POU4F3: variants seen among roughly 807,000 people sequenced by gnomAD.
POU4F3 encodes the protein POU domain, class 4, transcription factor 3.
In POU4F3, 7 loss-of-function variants were observed where a neutral mutation model predicts 22.0. The ratio of observed to expected loss-of-function variants is 0.32; its 90% confidence interval spans 0.18 to 0.60. The LOEUF (loss-of-function observed/expected upper bound fraction) is 0.60, where lower values mean the gene tolerates loss of function less well. Among genes scored for constraint, POU4F3 ranks in the 20% least tolerant of loss-of-function variants. The pLI is 0.85. For synonymous variants in POU4F3, 220 were observed against 194.5 expected (o/e 1.13, Z -1.09); for missense variants, 457 against 467.4 (o/e 0.98, Z 0.21).
Position 146,339,216 on chromosome 5 carries a change from G to C in POU4F3, c.104G>C (p.Cys35Ser). 4.3e-6 allele frequency: 7 copies of C among 1,614,246 alleles called. No individual in the cohort carries two copies. Among genetic ancestry groups the C allele is most frequent in the Non-Finnish European group, 5.1e-6 (6 of 1,180,050 alleles). ...GGCTCCGAGGCCATGCGCCGAGTCTGTCTCCCAGCCCCGCAGGTACGTAGT... is the reference window on the plus strand; with the variant it reads ...GGCTCCGAGGCCATGCGCCGAGTCTCTCTCCCAGCCCCGCAGGTACGTAGT... The part of the protein sequence containing the change: ...HSGSEAMRRV[C>S]LPAPQLQGNI... The change falls in exon 1 of 2, where the codon TGT (cysteine) becomes TCT (serine). Residue 35 changes from cysteine to serine, a missense_variant. Transcript: ENST00000646991. This position sits in a 1 kb window ranked among gnomAD's most constrained non-coding sequence, Gnocchi z 4.7.
chr5:146,339,027 T>G lies in POU4F3; in HGVS notation c.-86T>G. On this transcript the variant is annotated 5_prime_UTR_variant, in exon 1 of 2. It removes the in-frame stop codon of an upstream open reading frame in the 5' UTR. Transcript: ENST00000646991. The surrounding 1 kb of genome is among the most constrained non-coding windows in gnomAD (Gnocchi z 4.7). ...GAGAGGGCGAGGGGAGCGCGGGCGCTGAGCAGCGCTCACTTGGAGAGCGGC... is the reference window on the plus strand; with the variant it reads ...GAGAGGGCGAGGGGAGCGCGGGCGCGGAGCAGCGCTCACTTGGAGAGCGGC... The G allele has an allele frequency of 1.9e-6, 3 of 1,580,964 alleles. No individual in the cohort carries two copies. Among genetic ancestry groups the G allele is most frequent in the Non-Finnish European group, 2.6e-6 (3 of 1,162,540 alleles).
rs879525337 is a variant in POU4F3 at position 146,338,979 on chromosome 5, G to C, written c.-134G>C. The C allele has an allele frequency of 2.6e-5, 35 of 1,343,738 alleles. No homozygotes were observed. Among genetic ancestry groups the C allele is most frequent in the Non-Finnish European group, 3.3e-5 (32 of 964,856 alleles). 83.2% of individuals were successfully genotyped at this position (1,343,738 alleles called of 1,614,324 possible). On this transcript the variant is annotated 5_prime_UTR_variant, in exon 1 of 2. Transcript: ENST00000646991. Reference sequence around the variant, plus strand: ...TTGTAAGATGAGTGAAGAAGCAGGTGGGGGAGAGGGGAGGCAGCGAGCGAG... The same window carrying C: ...TTGTAAGATGAGTGAAGAAGCAGGTCGGGGAGAGGGGAGGCAGCGAGCGAG...
chr5:146,339,058 A>G lies in POU4F3; in HGVS notation c.-55A>G, dbSNP rs767725236. The G allele has an allele frequency of 6.2e-7, 1 of 1,608,352 alleles. No individual in the cohort carries two copies. Among genetic ancestry groups the G allele is most frequent in the Non-Finnish European group, 8.5e-7 (1 of 1,177,554 alleles). On this transcript the variant is annotated 5_prime_UTR_variant, in exon 1 of 2. Transcript: ENST00000646991. This position sits in a 1 kb window ranked among gnomAD's most constrained non-coding sequence, Gnocchi z 4.7. ...GCGCTCACTTGGAGAGCGGCAAGCA[A>G]GCTAGACAAGCCTGATTCCATGTCA...
In POU4F3 at chr5:146,339,286, G is replaced by C. The variant is rs746240760; in HGVS notation, c.120+54G>C. On this transcript the variant is annotated intron_variant, in intron 1 of 1. Coordinates refer to ENST00000646991, the MANE Select transcript of POU4F3 (RefSeq NM_002700.3). The surrounding 1 kb of genome is among the most constrained non-coding windows in gnomAD (Gnocchi z 4.7). The stretch of plus-strand genomic sequence containing the variant: ...AAGGCACATTTTTTGACAGGCACTA[G>C]CTTCATGTTTTTTTCATGTCGCCCA... The C allele has an allele frequency of 1.9e-6, 3 of 1,611,640 alleles. No individual in the cohort carries two copies. The highest frequency in any genetic ancestry group is 1.7e-6 in the Non-Finnish European group (2 of 1,178,096).
Position 146,341,382 on chromosome 5 carries a change from G to A in POU4F3, c.*938G>A, listed in dbSNP as rs1248792021. The A allele has an allele frequency of 6.6e-6, 1 of 152,190 alleles. No individual in the cohort carries two copies. The highest frequency in any genetic ancestry group is 1.5e-5 in the Non-Finnish European group (1 of 68,038). 9.4% of individuals were successfully genotyped at this position (152,190 alleles called of 1,614,324 possible). On this transcript the variant is annotated 3_prime_UTR_variant, in exon 2 of 2. Coordinates refer to ENST00000646991, the MANE Select transcript of POU4F3 (RefSeq NM_002700.3). ...CATTATATGCAAGTCCTTTCAACAC[G>A]TCTAACCTCCTTGCACTTTTGTTAT...
In POU4F3 at chr5:146,340,298, G is replaced by A; in HGVS notation, c.871G>A (p.Ala291Thr). The change falls in exon 2 of 2, where the codon GCC (alanine) becomes ACC (threonine). Residue 291 changes from alanine (A) to threonine (T), a missense_variant. By Grantham distance (58) the Ala-to-Thr change is moderately conservative. Coordinates refer to ENST00000646991, the MANE Select transcript of POU4F3 (RefSeq NM_002700.3). ...IAAPEKRSLE[A>T]YFAIQPRPSS... is the part of the protein sequence containing the mutation. Reference sequence around the variant, plus strand: ...GGCGCCGGAGAAGCGTTCACTCGAGGCCTATTTCGCTATCCAGCCACGTCC... The same window carrying A: ...GGCGCCGGAGAAGCGTTCACTCGAGACCTATTTCGCTATCCAGCCACGTCC... 6.2e-7 allele frequency: 1 copy of A among 1,614,214 alleles called. No homozygotes were observed. The highest frequency in any genetic ancestry group is 1.1e-5 in the South Asian group (1 of 91,084).
At position 146,340,036 on chromosome 5, in the gene POU4F3, G is replaced by T; in HGVS notation, c.609G>T (p.Val203=). The change falls in exon 2 of 2, where the codon GTG becomes GTT. Residue 203 remains valine (V), a synonymous_variant. Transcript: ENST00000646991. ...RFKQRRIKLG[V]TQADVGAALA... Reference sequence around the variant, plus strand: ...AGCAGCGGCGCATCAAGCTGGGGGTGACCCAGGCGGACGTGGGCGCGGCTC... The same window carrying T: ...AGCAGCGGCGCATCAAGCTGGGGGTTACCCAGGCGGACGTGGGCGCGGCTC... 1 of 1,614,086 alleles carries T rather than the reference G, an allele frequency of 6.2e-7. No homozygotes were observed. Among genetic ancestry groups the T allele is most frequent in the Non-Finnish European group, 8.5e-7 (1 of 1,180,048 alleles).
Position 146,339,548 on chromosome 5 carries a change from C to G in POU4F3, c.121C>G (p.Leu41Val). The change falls in exon 2 of 2, where the codon CTG (leucine) becomes GTG (valine). Residue 41 changes from leucine (L) to valine (V), a missense_variant and splice_region_variant. This residue lies in a region of POU4F3 where 410 missense variants were observed against 385.0 expected (regional missense o/e 1.06). Transcript: ENST00000646991. The surrounding 1 kb of genome is among the most constrained non-coding windows in gnomAD (Gnocchi z 4.7). ...MRRVCLPAPQ[L>V]QGNIFGSFDE... ...GTGCTGTGCGCCTTCTCGCTTGCAGCTGCAGGGTAATATATTTGGAAGCTT... is the reference window on the plus strand; with the variant it reads ...GTGCTGTGCGCCTTCTCGCTTGCAGGTGCAGGGTAATATATTTGGAAGCTT... 2 of 1,614,216 alleles carry G rather than the reference C, an allele frequency of 1.2e-6. No individual in the cohort carries two copies. The highest frequency in any genetic ancestry group is 1.7e-6 in the Non-Finnish European group (2 of 1,180,048).
Position 146,339,209 on chromosome 5 carries a change from C to G in POU4F3, c.97C>G (p.Arg33Gly). 6.2e-7 allele frequency: 1 copy of G among 1,614,228 alleles called. No individual in the cohort carries two copies. Among genetic ancestry groups the G allele is most frequent in the Non-Finnish European group, 8.5e-7 (1 of 1,180,046 alleles). The change falls in exon 1 of 2, where the codon CGA becomes GGA. Residue 33 changes from arginine (R) to glycine (G), a missense_variant. Arg to Gly is a moderately radical substitution (Grantham distance 125). This residue lies in a region of POU4F3 where 410 missense variants were observed against 385.0 expected (regional missense o/e 1.06). Coordinates refer to ENST00000646991, the MANE Select transcript of POU4F3 (RefSeq NM_002700.3). This position sits in a 1 kb window ranked among gnomAD's most constrained non-coding sequence, Gnocchi z 4.7. Reference sequence around the variant, plus strand: ...GCACTCTGGCTCCGAGGCCATGCGCCGAGTCTGTCTCCCAGCCCCGCAGGT... The same window carrying G: ...GCACTCTGGCTCCGAGGCCATGCGCGGAGTCTGTCTCCCAGCCCCGCAGGT... ...SLHSGSEAMR[R>G]VCLPAPQLQG... is the part of the protein sequence containing the mutation.
Position 146,340,354 on chromosome 5 carries a change from G to T in POU4F3, c.927G>T (p.Glu309Asp), listed in dbSNP as rs774309435. 2 of 1,614,136 alleles carry T rather than the reference G, an allele frequency of 1.2e-6. No homozygotes were observed. Among genetic ancestry groups the T allele is most frequent in the Non-Finnish European group, 1.7e-6 (2 of 1,180,060 alleles). ...PSSEKIAAIA[E>D]KLDLKKNVVR... ...CTGAGAAGATCGCGGCCATCGCTGA[G>T]AAACTGGACCTTAAAAAGAACGTGG... is the stretch of plus-strand genomic sequence containing the variant. The change falls in exon 2 of 2, where the codon GAG (glutamate) becomes GAT (aspartate). Residue 309 changes from glutamate (E) to aspartate (D), a missense_variant. Glu to Asp is a conservative substitution (Grantham distance 45). Around this residue, in one of 2 missense-constraint regions of POU4F3, gnomAD observed 47 missense variants for 82.4 expected, o/e 0.57. Transcript: ENST00000646991.
chr5:146,340,039 C>A lies in POU4F3; in HGVS notation c.612C>A (p.Thr204=), dbSNP rs1352029714. ...AGCGGCGCATCAAGCTGGGGGTGAC[C>A]CAGGCGGACGTGGGCGCGGCTCTGG... The part of the protein sequence containing the change: ...FKQRRIKLGV[T]QADVGAALAN... Residue 204 remains threonine (T), a synonymous_variant, in exon 2 of 2, where the codon ACC becomes ACA. Coordinates refer to ENST00000646991, the MANE Select transcript of POU4F3 (RefSeq NM_002700.3). 2 of 1,613,952 alleles carry A rather than the reference C, an allele frequency of 1.2e-6. No homozygotes were observed. Among genetic ancestry groups the A allele is most frequent in the East Asian group, 2.2e-5 (1 of 44,878 alleles).
rs1393950159 is a variant in POU4F3 at position 146,339,820 on chromosome 5, C to A, written c.393C>A (p.Gly131=). The change falls in exon 2 of 2, where the codon GGC becomes GGA. Residue 131 remains glycine (G), a synonymous_variant. Transcript: ENST00000646991. The surrounding 1 kb of genome is among the most constrained non-coding windows in gnomAD (Gnocchi z 4.7). ...EHISPTLSVS[G]LGAPEHSVMP... ...TCTCGCCCACGCTGAGTGTGAGCGG[C>A]CTGGGCGCTCCGGAACACTCGGTGA... 1 of 1,609,510 alleles carries A rather than the reference C, an allele frequency of 6.2e-7. No individual in the cohort carries two copies. The highest frequency in any genetic ancestry group is 1.3e-5 in the African/African-American group (1 of 75,056).
rs1760407473 is a variant in POU4F3, at chr5:146,339,040, C to T, written c.-73C>T. 3.8e-6 allele frequency: 6 copies of T among 1,597,486 alleles called. No individual in the cohort carries two copies. The South Asian group carries it at 6.8e-5, about 18-fold the overall frequency. On this transcript the variant is annotated 5_prime_UTR_variant, in exon 1 of 2. Coordinates refer to ENST00000646991, the MANE Select transcript of POU4F3 (RefSeq NM_002700.3). This position sits in a 1 kb window ranked among gnomAD's most constrained non-coding sequence, Gnocchi z 4.7. ...GAGCGCGGGCGCTGAGCAGCGCTCACTTGGAGAGCGGCAAGCAAGCTAGAC... is the reference window on the plus strand; with the variant it reads ...GAGCGCGGGCGCTGAGCAGCGCTCATTTGGAGAGCGGCAAGCAAGCTAGAC...
At position 146,339,410 on chromosome 5, in the gene POU4F3, C is replaced by A; in HGVS notation, c.121-138C>A. 6.7e-7 allele frequency: 1 copy of A among 1,482,646 alleles called. No individual in the cohort carries two copies. Among genetic ancestry groups the A allele is most frequent in the South Asian group, 1.2e-5 (1 of 86,218 alleles). 91.8% of individuals were successfully genotyped at this position (1,482,646 alleles called of 1,614,324 possible). ...CATGTCTCTGATCCACACGTCTGTT[C>A]CAGCAGAGCCGCTGCCTCCGTATTA... On this transcript the variant is annotated intron_variant, in intron 1 of 1. Transcript: ENST00000646991. The surrounding 1 kb of genome is among the most constrained non-coding windows in gnomAD (Gnocchi z 4.7).
In POU4F3 at chr5:146,339,307, G is replaced by A; in HGVS notation, c.120+75G>A. On this transcript the variant is annotated intron_variant, in intron 1 of 1. Coordinates refer to ENST00000646991, the MANE Select transcript of POU4F3 (RefSeq NM_002700.3). The surrounding 1 kb of genome is among the most constrained non-coding windows in gnomAD (Gnocchi z 4.7). ...ACTAGCTTCATGTTTTTTTCATGTC[G>A]CCCAGAACAATCGCCGCTGTCTGAA... 1 of 1,601,940 alleles carries A rather than the reference G, an allele frequency of 6.2e-7. No homozygotes were observed. Among genetic ancestry groups the A allele is most frequent in the Non-Finnish European group, 8.5e-7 (1 of 1,170,806 alleles).
Position 146,339,877 on chromosome 5 carries a change from C to T in POU4F3, c.450C>T (p.Gly150=). The part of the protein sequence containing the change: ...MPAQIHPHHL[G]AMGHLHQAMG... The stretch of plus-strand genomic sequence containing the variant: ...CACAGATCCATCCACACCACCTGGG[C>T]GCCATGGGCCACCTGCACCAGGCCA... The change falls in exon 2 of 2, where the codon GGC becomes GGT. Residue 150 remains glycine, a synonymous_variant. Transcript: ENST00000646991. The surrounding 1 kb of genome is among the most constrained non-coding windows in gnomAD (Gnocchi z 4.7). 6.2e-7 allele frequency: 1 copy of T among 1,608,452 alleles called. No individual in the cohort carries two copies. The highest frequency in any genetic ancestry group is 8.5e-7 in the Non-Finnish European group (1 of 1,179,946).
At position 146,340,512 on chromosome 5, in the gene POU4F3, G is replaced by A; in HGVS notation, c.*68G>A. 6.9e-6 allele frequency: 11 copies of A among 1,596,044 alleles called. No homozygotes were observed. Among genetic ancestry groups the A allele is most frequent in the Non-Finnish European group, 9.4e-6 (11 of 1,169,522 alleles). On this transcript the variant is annotated 3_prime_UTR_variant, in exon 2 of 2. Transcript: ENST00000646991. ...TCATCCCTCCCGGGTTCGGGGGATGGTTATCGGGAACTCCAAGGCGTTTCC... is the reference window on the plus strand; with the variant it reads ...TCATCCCTCCCGGGTTCGGGGGATGATTATCGGGAACTCCAAGGCGTTTCC...
chr5:146,339,779 G>A lies in POU4F3; in HGVS notation c.352G>A (p.Asp118Asn). The change falls in exon 2 of 2, where the codon GAC (aspartate) becomes AAC (asparagine). Residue 118 changes from aspartate (D) to asparagine (N), a missense_variant. Around this residue, in one of 2 missense-constraint regions of POU4F3, gnomAD observed 410 missense variants for 385.0 expected, o/e 1.06. Coordinates refer to ENST00000646991, the MANE Select transcript of POU4F3 (RefSeq NM_002700.3). This position sits in a 1 kb window ranked among gnomAD's most constrained non-coding sequence, Gnocchi z 4.7. ...HHAVHQGLEGDLLEHISPTLS... is the reference protein window; with the variant it reads ...HHAVHQGLEGNLLEHISPTLS... The stretch of plus-strand genomic sequence containing the variant: ...CGCCGTGCACCAGGGCCTCGAAGGC[G>A]ACCTGCTGGAGCACATCTCGCCCAC... The A allele has an allele frequency of 6.2e-7, 1 of 1,612,530 alleles. No homozygotes were observed. The highest frequency in any genetic ancestry group is 2.2e-5 in the East Asian group (1 of 44,870).
rs1419579767 is a variant in POU4F3, at chr5:146,339,886, C to T, written c.459C>T (p.Gly153=). The T allele has an allele frequency of 5.0e-6, 8 of 1,608,554 alleles. No individual in the cohort carries two copies. Among genetic ancestry groups the T allele is most frequent in the Middle Eastern group, 1.6e-4 (1 of 6,084 alleles). The change falls in exon 2 of 2, where the codon GGC becomes GGT. Residue 153 remains glycine, a synonymous_variant. Transcript: ENST00000646991. The surrounding 1 kb of genome is among the most constrained non-coding windows in gnomAD (Gnocchi z 4.7). ...QIHPHHLGAM[G]HLHQAMGMSH... ...ATCCACACCACCTGGGCGCCATGGG[C>T]CACCTGCACCAGGCCATGGGCATGA... is the stretch of plus-strand genomic sequence containing the variant.
Sources: gnomAD v4.1 joint callset for allele counts on GRCh38, gnomAD v4.1.1 for gene constraint, gnomAD v4.1.1 regional missense constraint, Gnocchi (gnomAD v3.1) non-coding constraint, MANE v1.5 for transcripts, NCBI Gene and HGNC (gene_info 2026-07-23, HGNC 2026-07-21) for gene names.